The following PDCD2L variants were observed in gnomAD, a reference collection of about 807,000 sequenced individuals.
PDCD2L encodes the protein programmed cell death 2 like, also known as uS5 assembly chaperone PDCD2L.
PDCD2L carries 44 observed loss-of-function variants against 40.4 expected under a neutral mutation model. That is an observed-to-expected ratio of 1.09 (90% CI 0.86 to 1.40). PDCD2L has a LOEUF of 1.40. PDCD2L is among the 40% of genes most tolerant of loss of function. The pLI is 0.00. For synonymous variants in PDCD2L, 194 were observed against 174.6 expected, an observed-to-expected ratio of 1.11 and a Z score of -0.88; for missense variants, 470 against 453.7, an observed-to-expected ratio of 1.04 and a Z score of -0.33.
chr19:34,412,498 A>C (rs1352082150), intron 4 of PDCD2L, among the ~76,000 whole-genome samples: 1 of 151,928 alleles, frequency 6.6e-6, no homozygotes, highest in African/African-American at 2.4e-5. Context: ...GAGATGGATC[A>C]CTTGAGGTCA....
chr19:34,406,632 C>G (rs2145456812), intron 3 of PDCD2L, among the ~76,000 whole-genome samples: 1 of 151,956 alleles, frequency 6.6e-6, no homozygotes, highest in South Asian at 2.1e-4. Context: ...ACCTTGTCAT[C>G]CACCCACCTC....
At chr19:34,424,312 G>A (rs570862164) in intron 6 of PDCD2L, among the ~76,000 whole-genome samples, 4 of 152,080 alleles carry the variant, frequency 2.6e-5, no homozygotes, top group African/African-American at 9.7e-5. Context: ...TAGCAGCGGT[G>A]AATCTGTAGG....
At chr19:34,420,856 A>G (rs1251627031) in intron 5 of PDCD2L, among the ~76,000 whole-genome samples, 1 of 151,890 alleles carries the variant, frequency 6.6e-6, no homozygotes, top group Non-Finnish European at 1.5e-5. Flanking sequence ...AGAGGTCCCC[A>G]ACCTTTTTGG....
intron 4 of PDCD2L, 136 bp downstream of exon 4, chr19:34,409,646 C>T: frequency 1.5e-6 from 1 of 680,200 alleles, no homozygotes; most frequent in Non-Finnish European, 2.5e-6. Context: ...GCTTCACTTC[C>T]TTATCAGCCA....
chr19:34,410,146 G>A (rs2075095446), intron 4 of PDCD2L, among the ~76,000 whole-genome samples: 2 of 152,168 alleles, frequency 1.3e-5, no homozygotes, highest in East Asian at 1.9e-4. Flanking sequence ...TGTCACCCAC[G>A]CTGGAGTGAA....
chr19:34,421,340 T>C, intron 5 of PDCD2L, 179 bp from the exon 6 acceptor site: 1 of 711,810 alleles, frequency 1.4e-6, no homozygotes, highest in Admixed American at 2.4e-5. Flanking sequence ...TTTGAGACTT[T>C]GAATCGAACA....
chr19:34,423,691 G>A (rs780674249), intron 6 of PDCD2L, among the ~76,000 whole-genome samples: 5 of 151,088 alleles, frequency 3.3e-5, no homozygotes, highest in East Asian at 1.9e-4. Context: ...ACGGGGTTTC[G>A]CCATGTTGGC....
intron 2 of PDCD2L, 45 bp from the exon 3 acceptor site, chr19:34,404,885 G>C: frequency 6.2e-7 from 1 of 1,612,086 alleles, no homozygotes; most frequent in Non-Finnish European, 8.5e-7. Context: ...CCGGCGGGCT[G>C]GAGTCGGGGT....
intron 5 of PDCD2L, among the ~76,000 whole-genome samples, chr19:34,419,196 C>T (rs1038146268): frequency 6.6e-6 from 1 of 151,594 alleles, no homozygotes; most frequent in African/African-American, 2.4e-5. Context: ...GAGTCTTGCT[C>T]TGTTGCCCAG....
At chr19:34,407,975 G>A (rs1286411202) in intron 3 of PDCD2L, among the ~76,000 whole-genome samples, 1 of 152,168 alleles carries the variant, frequency 6.6e-6, no homozygotes, top group Non-Finnish European at 1.5e-5. Flanking sequence ...CCAGGCTGGA[G>A]TGCAGTGGCA....
chr19:34,413,937 C>A, intron 5 of PDCD2L, 90 bp downstream of exon 5: 1 of 797,312 alleles, frequency 1.3e-6, no homozygotes, highest in Non-Finnish European at 2.0e-6. Flanking sequence ...ATGAGAAAAG[C>A]AAAACCTACA....
At chr19:34,420,563 G>A (rs2075145785) in intron 5 of PDCD2L, among the ~76,000 whole-genome samples, 1 of 151,938 alleles carries the variant, frequency 6.6e-6, no homozygotes, top group Non-Finnish European at 1.5e-5. Context: ...TGAGGTGGGA[G>A]GATCACTTGA....
chr19:34,412,518 G>A (rs750015798), intron 4 of PDCD2L, among the ~76,000 whole-genome samples: 43 of 151,960 alleles, frequency 2.8e-4, no homozygotes, highest in Non-Finnish European at 5.3e-4. Flanking sequence ...AGGAGTTGGA[G>A]ACCAGCCTGG....
rs2075174769 is a variant in PDCD2L at position 34,425,911 on chromosome 19, TA to T, written c.947-77del. 4 of 1,444,544 alleles carry T rather than the reference TA, an allele frequency of 2.8e-6. No homozygotes were observed. The African/African-American group carries it at 4.3e-5, about 15-fold the overall frequency. The allele number at this position is 1,444,544 out of a possible 1,614,324, so 89.5% of individuals were successfully genotyped here. The stretch of plus-strand genomic sequence containing the variant: ...TTTACCTAATTACTTTTTCAGCTTA[TA>T]AGGTAAAATCATTCCTTTTAGTAAC... On this transcript the variant is annotated intron_variant, in intron 6 of 6. Transcript: ENST00000246535.
intron 4 of PDCD2L, among the ~76,000 whole-genome samples, chr19:34,410,195 G>C (rs1018627053): frequency 2.6e-5 from 4 of 152,170 alleles, no homozygotes; most frequent in Non-Finnish European, 4.4e-5. Flanking sequence ...GAACTCCTGG[G>C]CTCAGGCAAT....
At chr19:34,405,236 T>C (rs2075068833) in intron 3 of PDCD2L, among the ~76,000 whole-genome samples, 1 of 133,384 alleles carries the variant, frequency 7.5e-6, no homozygotes, top group Non-Finnish European at 1.5e-5. Flanking sequence ...AACCTCCGCC[T>C]CCCAGGTTCA....
intron 6 of PDCD2L, among the ~76,000 whole-genome samples, chr19:34,423,491 CTTTTTTTT>C (rs547306985): frequency 8.8e-6 from 1 of 113,086 alleles, no homozygotes; most frequent in Non-Finnish European, 1.8e-5. Context: ...GACCCAGTAT[CTTTTTTTT>C]TTTTTTTTTT....
At chr19:34,406,332 A>T (rs887899991) in intron 3 of PDCD2L, among the ~76,000 whole-genome samples, 1 of 152,216 alleles carries the variant, frequency 6.6e-6, no homozygotes, top group Admixed American at 6.5e-5. Context: ...AATACTTAAC[A>T]TCTTGTGAGA....
At chr19:34,410,762 T>TTATATTTA (rs146147218) in intron 4 of PDCD2L, among the ~76,000 whole-genome samples, 55,235 of 146,028 alleles carry the variant, frequency 0.38, 11,432 homozygotes, top group East Asian at 0.68. Flanking sequence ...ACTTTTTATT[T>TTATATTTA]TTTATTTATT....
Sources: allele counts gnomAD v4.1 joint callset (sites outside exome capture counted in the v4.1 genomes callset), GRCh38; gene constraint gnomAD v4.1.1; transcripts MANE v1.5; gene names NCBI Gene and HGNC (gene_info 2026-07-23, HGNC 2026-07-21).